Variants in UBE2V2 observed in about 807,000 individuals in gnomAD.
The protein encoded by UBE2V2 is ubiquitin-conjugating enzyme E2 variant 2.
Under a neutral mutation model 17.2 loss-of-function variants are expected in UBE2V2, and 9 were observed. The observed-to-expected ratio is 0.52, with a 90% confidence interval of 0.32 to 0.91. UBE2V2 has a LOEUF of 0.91. Among genes scored for constraint, UBE2V2 ranks in the 40% least tolerant of loss-of-function variants. The pLI, the probability that UBE2V2 is intolerant of heterozygous loss-of-function variation, is 0.04. For synonymous variants in UBE2V2, 61 were observed against 57.5 expected, an observed-to-expected ratio of 1.06 and a Z score of -0.28; for missense variants, 133 against 182.6, an observed-to-expected ratio of 0.73 and a Z score of 1.56.
At chr8:48,040,358 AG>A (rs772506687) in intron 1 of UBE2V2, among the ~76,000 whole-genome samples, 2 of 152,196 alleles carry the variant, frequency 1.3e-5, no homozygotes, top group Non-Finnish European at 2.9e-5. Flanking sequence ...AGCCCTATTC[AG>A]ATTTCACCAC....
At chr8:48,035,021 TC>T in intron 1 of UBE2V2, 1 of 985,274 alleles carries the variant, frequency 1.0e-6, no homozygotes, top group Non-Finnish European at 1.2e-6. Flanking sequence ...ATGGTTGGCT[TC>T]CAAAAGAACG....
chr8:48,004,101 A>T (rs2091168641), upstream of UBE2V2, among the ~76,000 whole-genome samples: 1 of 152,138 alleles, frequency 6.6e-6, no homozygotes, highest in Admixed American at 6.6e-5. Context: ...TTTCTGCTGA[A>T]CTTGGATATG....
intron 3 of UBE2V2, among the ~76,000 whole-genome samples, chr8:48,056,558 C>T (rs1323089550): frequency 2.0e-5 from 3 of 152,060 alleles, no homozygotes; most frequent in African/African-American, 2.4e-5. Context: ...AAACAATCAC[C>T]TTCAAAAAAA....
intron 1 of UBE2V2, among the ~76,000 whole-genome samples, chr8:48,020,099 C>T (rs2091294854): frequency 2.0e-5 from 3 of 149,814 alleles, no homozygotes; most frequent in Admixed American, 6.7e-5. Context: ...AGTGCAGTGG[C>T]GTGAACATGG....
intron 1 of UBE2V2, among the ~76,000 whole-genome samples, chr8:48,032,216 G>A (rs1018496524): frequency 1.3e-5 from 2 of 152,056 alleles, no homozygotes; most frequent in African/African-American, 4.8e-5. Context: ...TGAATACTAA[G>A]CAATTGTGAT....
chr8:48,004,013 T>A (rs1220873137), upstream of UBE2V2, among the ~76,000 whole-genome samples: 1 of 152,146 alleles, frequency 6.6e-6, no homozygotes, highest in Admixed American at 6.6e-5. Context: ...TTGGCATCCT[T>A]GGCCAGGGTG....
chr8:48,032,333 C>A (rs906832535), intron 1 of UBE2V2, among the ~76,000 whole-genome samples: 3 of 152,088 alleles, frequency 2.0e-5, no homozygotes, highest in Non-Finnish European at 4.4e-5. Flanking sequence ...GGTAAACCTT[C>A]ATTTCAGCAA....
intron 1 of UBE2V2, among the ~76,000 whole-genome samples, chr8:48,021,458 C>T (rs1432129839): frequency 1.3e-5 from 2 of 151,910 alleles, no homozygotes; most frequent in African/African-American, 2.4e-5. Context: ...AGGTGCCCAC[C>T]ACCACGCCCG....
intron 1 of UBE2V2, among the ~76,000 whole-genome samples, chr8:48,008,904 C>T (rs2091206258): frequency 6.6e-6 from 1 of 152,114 alleles, no homozygotes; most frequent in African/African-American, 2.4e-5. Flanking sequence ...GGGTCCCATT[C>T]CTTTGGACTC....
chr8:48,048,109 A>G (rs891772706), intron 2 of UBE2V2, among the ~76,000 whole-genome samples: 1 of 151,918 alleles, frequency 6.6e-6, no homozygotes, highest in African/African-American at 2.4e-5. Context: ...ACTGAGATAC[A>G]GAACATTCCT....
chr8:48,018,869 A>G (rs895868633), intron 1 of UBE2V2, among the ~76,000 whole-genome samples: 6 of 152,158 alleles, frequency 3.9e-5, no homozygotes, highest in Non-Finnish European at 7.3e-5. Context: ...TCTCTTGCTA[A>G]ATTGACCCCT....
chr8:48,060,690 C>T lies in UBE2V2; in HGVS notation c.300C>T (p.Ala100=), dbSNP rs754148050. The change falls in exon 4 of 4, where the codon GCC becomes GCT. Residue 100 remains alanine (A), a synonymous_variant. Transcript: ENST00000523111. ...CTTTCCTCCCCTTTCAGGTGGATGC[C>T]CGGAGCATACCAGTGTTAGCAAAAT... The part of the protein sequence containing the change: ...GINNSSGMVD[A]RSIPVLAKWQ... The T allele has an allele frequency of 2.0e-6, 3 of 1,493,672 alleles. No individual in the cohort carries two copies. Among genetic ancestry groups the T allele is most frequent in the African/African-American group, 1.4e-5 (1 of 69,522 alleles). 92.5% of individuals were successfully genotyped at this position (1,493,672 alleles called of 1,614,324 possible).
chr8:48,038,840 G>A (rs1039679858), intron 1 of UBE2V2, among the ~76,000 whole-genome samples: 1 of 151,864 alleles, frequency 6.6e-6, no homozygotes, highest in Non-Finnish European at 1.5e-5. Flanking sequence ...GACCAGGCTG[G>A]TGTTGAACTC....
At chr8:48,053,460 G>C (rs1477097160) in intron 3 of UBE2V2, among the ~76,000 whole-genome samples, 1 of 127,208 alleles carries the variant, frequency 7.9e-6, no homozygotes, top group Non-Finnish European at 1.6e-5. Context: ...GTCTCACTCT[G>C]TCTCCCAGGC....
chr8:47,999,530 T>C, the UBE2V2 span, among the ~76,000 whole-genome samples: 1 of 151,978 alleles, frequency 6.6e-6, no homozygotes, highest in Non-Finnish European at 1.5e-5. Context: ...CTAATTTTTT[T>C]TTTGTATTTT....
At chr8:48,039,143 A>C (rs1335091012) in intron 1 of UBE2V2, among the ~76,000 whole-genome samples, 1 of 151,670 alleles carries the variant, frequency 6.6e-6, no homozygotes, top group African/African-American at 2.4e-5. Context: ...CAGGTGATCC[A>C]CCTGCCTTGG....
the UBE2V2 span, among the ~76,000 whole-genome samples, chr8:48,002,026 T>A: frequency 6.6e-6 from 1 of 151,440 alleles, no homozygotes; most frequent in African/African-American, 2.4e-5. Context: ...GAGGTGGAGG[T>A]TGCAGTGAGC....
At chr8:48,033,477 C>T (rs1446392741) in intron 1 of UBE2V2, among the ~76,000 whole-genome samples, 3 of 152,196 alleles carry the variant, frequency 2.0e-5, no homozygotes, top group African/African-American at 2.4e-5. Flanking sequence ...TGAGCCACCA[C>T]ACCTGGCTCA....
intron 1 of UBE2V2, among the ~76,000 whole-genome samples, chr8:48,011,589 ATACC>A (rs2091232099): frequency 1.3e-5 from 2 of 151,930 alleles, no homozygotes; most frequent in Admixed American, 6.6e-5. Flanking sequence ...TGTGCATCAT[ATACC>A]TTAGCCCCTT....
Sources: gnomAD v4.1 joint callset for allele counts (sites outside exome capture counted in the v4.1 genomes callset) on GRCh38, gnomAD v4.1.1 for gene constraint, MANE v1.5 for transcripts, NCBI Gene and HGNC (gene_info 2026-07-23, HGNC 2026-07-21) for gene names.